The following BRF1 variants were observed in gnomAD, a reference collection of about 807,000 sequenced individuals.
The protein encoded by BRF1 is transcription factor IIIB 90 kDa subunit.
Under a neutral mutation model 81.7 loss-of-function variants are expected in BRF1, and 59 were observed. The ratio of observed to expected loss-of-function variants is 0.72; its 90% CI spans 0.59 to 0.90. The LOEUF is 0.90. BRF1 is among the 40% of genes least tolerant of loss of function. The pLI is 0.00. For missense variants in BRF1, 1,050 were observed against 936.3 expected, an observed-to-expected ratio of 1.12 and a Z score of -1.58; for synonymous variants, 491 against 395.6, an observed-to-expected ratio of 1.24 and a Z score of -2.86.
At chr14:105,229,428 C>A (rs142363123) in intron 6 of BRF1, among the ~76,000 whole-genome samples, 2 of 152,346 alleles carry the variant, frequency 1.3e-5, no homozygotes, top group East Asian at 1.9e-4. Flanking sequence ...GGTACCTGGC[C>A]TGCCGGGTAG....
intron 2 of BRF1, among the ~76,000 whole-genome samples, chr14:105,277,806 G>A (rs2056908488): frequency 6.6e-6 from 1 of 152,196 alleles, no homozygotes; most frequent in Non-Finnish European, 1.5e-5. Flanking sequence ...CCAGGCTAGA[G>A]TGCAGTGGTG....
chr14:105,265,412 A>G (rs1187036663), intron 3 of BRF1, among the ~76,000 whole-genome samples: 1 of 152,216 alleles, frequency 6.6e-6, no homozygotes, highest in Non-Finnish European at 1.5e-5. Flanking sequence ...ACATCTAGGT[A>G]CATCAGAGTC....
chr14:105,243,579 C>T (rs751214371), intron 5 of BRF1, among the ~76,000 whole-genome samples: 23 of 151,054 alleles, frequency 1.5e-4, no homozygotes, highest in Non-Finnish European at 2.8e-4. Flanking sequence ...GATTGCACCA[C>T]TGTACTCAGG....
intron 2 of BRF1, among the ~76,000 whole-genome samples, chr14:105,280,292 G>C (rs1407910541): frequency 6.6e-6 from 1 of 152,252 alleles, no homozygotes; most frequent in Non-Finnish European, 1.5e-5. Flanking sequence ...ACAGAGAAAG[G>C]ATGCACAGTG....
chr14:105,305,416 C>T (rs77997443), upstream of BRF1, among the ~76,000 whole-genome samples: 24 of 151,106 alleles, frequency 1.6e-4, no homozygotes, highest in East Asian at 4.4e-3. Flanking sequence ...AAAAAAGAAA[C>T]AAGAAAAAAG....
chr14:105,295,303 C>CAAAAAAA (rs869251134), intron 1 of BRF1, among the ~76,000 whole-genome samples: 2 of 36,582 alleles, frequency 5.5e-5, no homozygotes, highest in African/African-American at 9.0e-5. Context: ...CACATCTCTA[C>CAAAAAAA]AAAAAAAAAA....
At chr14:105,221,020 C>T (rs1465207255) in intron 11 of BRF1, among the ~76,000 whole-genome samples, 3 of 152,248 alleles carry the variant, frequency 2.0e-5, no homozygotes, top group Non-Finnish European at 4.4e-5. Flanking sequence ...GCCCAGATAT[C>T]ACTTGATAAA....
chr14:105,243,640 G>A (rs2054875155), intron 5 of BRF1, among the ~76,000 whole-genome samples: 1 of 151,814 alleles, frequency 6.6e-6, no homozygotes, highest in Admixed American at 6.6e-5. Context: ...ATGTACTAAT[G>A]TGGGTGAGAC....
chr14:105,214,893 T>TG (rs1890828103), intron 15 of BRF1, among the ~76,000 whole-genome samples: 8 of 152,028 alleles, frequency 5.3e-5, no homozygotes, highest in Admixed American at 2.0e-4. Context: ...CACCCGAGTG[T>TG]GGGTGAAAAG....
chr14:105,305,815 A>G (rs1042983298), upstream of BRF1, among the ~76,000 whole-genome samples: 1 of 152,258 alleles, frequency 6.6e-6, no homozygotes, highest in African/African-American at 2.4e-5. Flanking sequence ...GTGCCCTCAG[A>G]GCACCCACAC....
upstream of BRF1, among the ~76,000 whole-genome samples, chr14:105,304,787 A>G (rs1273614362): frequency 6.6e-6 from 1 of 152,262 alleles, no homozygotes; most frequent in East Asian, 1.9e-4. Flanking sequence ...CGTGGATGGC[A>G]GCAGGGAGAG....
In BRF1 at chr14:105,252,546, G is replaced by A. The variant is rs2055671157; in HGVS notation, c.505C>T (p.Leu169Phe). The A allele has an allele frequency of 3.1e-6, 5 of 1,613,930 alleles. No individual in the cohort carries two copies. Among genetic ancestry groups the A allele is most frequent in the Non-Finnish European group, 4.2e-6 (5 of 1,180,000 alleles). The change falls in exon 5 of 18, where the codon CTC (leucine) becomes TTC (phenylalanine). Residue 169 changes from leucine to phenylalanine, a missense_variant. Coordinates refer to ENST00000547530, the MANE Select transcript of BRF1 (RefSeq NM_001519.4). ...TTGATGCAGAGCTCTCTTGCCAAGA[G>A]AAGAAACGTCTTTCCAAGCACGTAC... ...NVYVLGKTFL[L>F]LARELCINAP... is the part of the protein sequence containing the mutation.
chr14:105,210,779 G>A lies in BRF1; in HGVS notation c.1997-191C>T, dbSNP rs1452010848. Among the ~76,000 whole-genome samples the A allele has an allele frequency of 1.3e-5, 2 of 152,042 alleles. No homozygotes were observed. The highest frequency in any genetic ancestry group is 2.9e-5 in the Non-Finnish European group (2 of 68,024). On this transcript the variant is annotated intron_variant, in intron 17 of 17. Transcript: ENST00000547530. The surrounding 1 kb of genome is among the most constrained non-coding windows in gnomAD (Gnocchi z 4.7). ...CGGGACTGGCATGCACCCAGAGCAG[G>A]GCCTTGCTCCTCGTCGAGGGCACCT... is the stretch of plus-strand genomic sequence containing the variant.
rs892408346 is a variant in BRF1 at position 105,286,319 on chromosome 14, G to C, written c.242C>G (p.Ser81Trp). 1.2e-6 allele frequency: 2 copies of C among 1,613,616 alleles called. No individual in the cohort carries two copies. The highest frequency in any genetic ancestry group is 3.3e-5 in the Admixed American group (2 of 59,944). Residue 81 changes from serine (S) to tryptophan (W), a missense_variant, in exon 2 of 18, where the codon TCG becomes TGG. By Grantham distance (177) the Ser-to-Trp change is radical. This residue lies in a region of BRF1 where 1,043 missense variants were observed against 915.4 expected (regional missense o/e 1.14). Coordinates refer to ENST00000547530, the MANE Select transcript of BRF1 (RefSeq NM_001519.4). ...GGFHVNLGKE[S>W]RAQTLQNGRR... ...ACCATTCTGCAGGGTCTGCGCTCTC[G>C]ACTCCTTCCCCAGATTCACGTGGAA... is the stretch of plus-strand genomic sequence containing the variant.
rs1477273067 is a variant in BRF1, at chr14:105,269,995, C to G, written c.439+2726G>C. ...TCGGAGCAGGCCTCTCAGTGGGACCCCAGGGTGGAGCCGGGGCAAGCAGAC... is the reference window on the plus strand; with the variant it reads ...TCGGAGCAGGCCTCTCAGTGGGACCGCAGGGTGGAGCCGGGGCAAGCAGAC... On this transcript the variant is annotated intron_variant, in intron 3 of 17. Coordinates refer to ENST00000547530, the MANE Select transcript of BRF1 (RefSeq NM_001519.4). The surrounding 1 kb of genome is among the most constrained non-coding windows in gnomAD (Gnocchi z 5.0). Among the ~76,000 whole-genome samples the G allele has an allele frequency of 1.3e-5, 2 of 152,020 alleles. No homozygotes were observed. The highest frequency in any genetic ancestry group is 2.9e-5 in the Non-Finnish European group (2 of 68,008).
At chr14:105,215,661 G>T (rs56050558) in intron 15 of BRF1, among the ~76,000 whole-genome samples, 48,974 of 134,994 alleles carry the variant, frequency 0.36, 9,888 homozygotes, top group African/African-American at 0.6. Flanking sequence ...CACACACACT[G>T]CATACACAGG....
chr14:105,228,820 C>G lies in BRF1; in HGVS notation c.788G>C (p.Arg263Thr). 1.9e-6 allele frequency: 3 copies of G among 1,613,850 alleles called. No individual in the cohort carries two copies. The highest frequency in any genetic ancestry group is 8.5e-7 in the Non-Finnish European group (1 of 1,179,982). ...CATGCCATGAATGAGAGCCCCTCACCTCTTCCGCAGCGTGGACTCACACAC... is the reference window on the plus strand; with the variant it reads ...CATGCCATGAATGAGAGCCCCTCACGTCTTCCGCAGCGTGGACTCACACAC... ...VKVCESTLRK[R>T]LTEFEDTPTS... The change falls in exon 7 of 18, where the codon AGG (arginine) becomes ACG (threonine). Residue 263 changes from arginine to threonine, a missense_variant and splice_region_variant. By Grantham distance (71) the Arg-to-Thr change is moderately conservative (BLOSUM62 -1). Coordinates refer to ENST00000547530, the MANE Select transcript of BRF1 (RefSeq NM_001519.4).
intron 1 of BRF1, among the ~76,000 whole-genome samples, chr14:105,292,589 G>T (rs920530965): frequency 1.3e-5 from 2 of 152,180 alleles, no homozygotes; most frequent in African/African-American, 4.8e-5. Context: ...GAATTCAGGG[G>T]TCCCACAGGT....
chr14:105,241,399 A>G lies in BRF1; in HGVS notation c.560T>C (p.Ile187Thr). The G allele has an allele frequency of 6.2e-7, 1 of 1,612,398 alleles. No individual in the cohort carries two copies. Reference protein sequence around the residue: ...NAPAIDPCLYIPRFAHLLEFG... With the variant: ...NAPAIDPCLYTPRFAHLLEFG... ...TTCCAGCAGGTGCGCAAAGCGTGGA[A>G]TATACAGGCACGGGTCTGCGGCAGA... The change falls in exon 6 of 18, where the codon ATT (isoleucine) becomes ACT (threonine). Residue 187 changes from isoleucine (I) to threonine (T), a missense_variant. Transcript: ENST00000547530.
Sources: allele counts gnomAD v4.1 joint callset (sites outside exome capture counted in the v4.1 genomes callset), GRCh38; gene constraint gnomAD v4.1.1; regional missense constraint gnomAD v4.1.1; non-coding constraint Gnocchi (gnomAD v3.1); transcripts MANE v1.5; gene names NCBI Gene and HGNC (gene_info 2026-07-23, HGNC 2026-07-21).